Variants in ATRNL1 observed in about 807,000 individuals in gnomAD.
ATRNL1 encodes attractin-like protein 1.
ATRNL1 carries 95 observed loss-of-function variants against 182.7 expected under a neutral mutation model. The observed-to-expected ratio is 0.52, with a 90% confidence interval of 0.44 to 0.62. The LOEUF (loss-of-function observed/expected upper bound fraction) is 0.62. Ranked by LOEUF, ATRNL1 falls within the 20% of genes least tolerant of loss-of-function variation. The probability of loss-of-function intolerance (pLI) is 0.00; values close to 1 mark genes in which losing one functional copy is unlikely to be tolerated. For missense variants in ATRNL1, 1,471 were observed against 1,679.5 expected (o/e 0.88, Z 2.17); for synonymous variants, 576 against 568.3 (o/e 1.01, Z -0.19).
intron 9 of ATRNL1, among the ~76,000 whole-genome samples, chr10:115,234,592 CTTTT>C (rs554861467): frequency 1.5e-5 from 2 of 133,814 alleles, no homozygotes; most frequent in Non-Finnish European, 1.6e-5. Flanking sequence ...TTTTCTTTTT[CTTTT>C]TTTTTTTTTT....
intron 24 of ATRNL1, among the ~76,000 whole-genome samples, chr10:115,513,444 C>T (rs1250987246): frequency 6.6e-6 from 1 of 151,912 alleles, no homozygotes; most frequent in Non-Finnish European, 1.5e-5. Flanking sequence ...TTATTATCGC[C>T]ATTTATTATC....
intron 28 of ATRNL1, among the ~76,000 whole-genome samples, chr10:115,903,460 T>C (rs1555113936): frequency 6.6e-6 from 1 of 152,230 alleles, no homozygotes; most frequent in South Asian, 2.1e-4. Flanking sequence ...CTATTCATAC[T>C]GACCTGGAAA....
chr10:115,210,132 A>G (rs1848964278), intron 8 of ATRNL1, among the ~76,000 whole-genome samples: 1 of 152,016 alleles, frequency 6.6e-6, no homozygotes, highest in East Asian at 1.9e-4. Context: ...CTAGTAGTGA[A>G]CATTATATTT....
At chr10:115,479,613 GTGT>G in intron 24 of ATRNL1, among the ~76,000 whole-genome samples, 1 of 151,466 alleles carries the variant, frequency 6.6e-6, no homozygotes, top group East Asian at 1.9e-4. Flanking sequence ...ACATATAGCA[GTGT>G]TATGTGATAA....
intron 26 of ATRNL1, among the ~76,000 whole-genome samples, chr10:115,551,216 T>C: frequency 6.6e-6 from 1 of 151,668 alleles, no homozygotes; most frequent in East Asian, 1.9e-4. Flanking sequence ...CTATAAAACT[T>C]TCATACTTCT....
At chr10:115,688,293 T>C (rs1166537241) in intron 26 of ATRNL1, among the ~76,000 whole-genome samples, 1 of 152,158 alleles carries the variant, frequency 6.6e-6, no homozygotes, top group Admixed American at 6.6e-5. Flanking sequence ...AGTCCAGGTA[T>C]CCCCTTGATA....
intron 19 of ATRNL1, among the ~76,000 whole-genome samples, chr10:115,387,645 G>T (rs1271315259): frequency 2.6e-5 from 4 of 152,060 alleles, no homozygotes; most frequent in African/African-American, 9.7e-5. Context: ...AGACTTTATG[G>T]ATTTACCTGT....
intron 18 of ATRNL1, among the ~76,000 whole-genome samples, chr10:115,328,088 A>G (rs1200714758): frequency 6.6e-6 from 1 of 150,652 alleles, no homozygotes; most frequent in Non-Finnish European, 1.5e-5. Context: ...AAGTATAATA[A>G]TAATAAAAAA....
At chr10:115,411,341 T>G (rs550035539) in intron 20 of ATRNL1, among the ~76,000 whole-genome samples, 1 of 151,782 alleles carries the variant, frequency 6.6e-6, no homozygotes, top group South Asian at 2.1e-4. Context: ...AATGTAGAAT[T>G]ATTTTATATT....
chr10:115,536,705 G>A (rs920373705), intron 25 of ATRNL1, among the ~76,000 whole-genome samples: 75 of 152,286 alleles, frequency 4.9e-4, no homozygotes, highest in African/African-American at 1.7e-3. Flanking sequence ...CTTCTGCGTC[G>A]CTCATGCTGG....
chr10:115,326,970 T>C (rs1279598442), intron 18 of ATRNL1, among the ~76,000 whole-genome samples: 2 of 151,964 alleles, frequency 1.3e-5, no homozygotes, highest in South Asian at 2.1e-4. Context: ...AGGCCTAAAA[T>C]CATAAAAACC....
At chr10:115,098,709 G>A (rs1404090578) in intron 1 of ATRNL1, among the ~76,000 whole-genome samples, 2 of 151,628 alleles carry the variant, frequency 1.3e-5, no homozygotes, top group Admixed American at 1.3e-4. Flanking sequence ...CACCCGCCTC[G>A]GCCTCCTAAA....
chr10:115,129,456 A>T lies in ATRNL1; in HGVS notation c.750A>T (p.Lys250Asn). Residue 250 changes from lysine to asparagine, a missense_variant, in exon 5 of 29, where the codon AAA becomes AAT. By Grantham distance (94) the Lys-to-Asn change is moderately conservative. Around this residue, in one of 3 missense-constraint regions of ATRNL1, gnomAD observed 1,031 missense variants for 1,156.0 expected, o/e 0.89. Transcript: ENST00000355044. ...AAGCTTGTGATATTCCTTACTGTAA[A>T]GCCAATTGCGGCAGTCCAGATCACG... ...KGEACDIPYC[K>N]ANCGSPDHGY... is the part of the protein sequence containing the mutation. 3 of 1,614,160 alleles carry T rather than the reference A, an allele frequency of 1.9e-6. No homozygotes were observed. The highest frequency in any genetic ancestry group is 2.5e-6 in the Non-Finnish European group (3 of 1,180,012).
At chr10:115,483,281 G>C (rs1390506768) in intron 24 of ATRNL1, among the ~76,000 whole-genome samples, 1 of 151,244 alleles carries the variant, frequency 6.6e-6, no homozygotes, top group Non-Finnish European at 1.5e-5. Flanking sequence ...CTTGTATTGC[G>C]TAAAGAACTG....
intron 28 of ATRNL1, among the ~76,000 whole-genome samples, chr10:115,902,123 A>G (rs961785658): frequency 5.3e-5 from 8 of 152,180 alleles, no homozygotes; most frequent in African/African-American, 1.7e-4. Context: ...CCTTCGCATC[A>G]ATGACTTTAC....
chr10:115,599,495 G>A (rs1453778589), intron 26 of ATRNL1, among the ~76,000 whole-genome samples: 2 of 150,558 alleles, frequency 1.3e-5, no homozygotes, highest in Non-Finnish European at 3.0e-5. Context: ...TTTTACTGAT[G>A]CATCAAGGAT....
intron 19 of ATRNL1, among the ~76,000 whole-genome samples, chr10:115,376,718 T>C (rs1295158098): frequency 6.6e-6 from 1 of 152,194 alleles, no homozygotes; most frequent in Non-Finnish European, 1.5e-5. Context: ...TTCATCTTAC[T>C]TGAGATTTTT....
intron 28 of ATRNL1, among the ~76,000 whole-genome samples, chr10:115,906,388 G>A (rs1317703993): frequency 1.3e-5 from 2 of 152,096 alleles, no homozygotes; most frequent in Non-Finnish European, 2.9e-5. Context: ...AAATGGGAAT[G>A]ATTATATATA....
At chr10:115,574,829 C>T (rs763898719) in intron 26 of ATRNL1, among the ~76,000 whole-genome samples, 3 of 152,180 alleles carry the variant, frequency 2.0e-5, no homozygotes, top group Non-Finnish European at 4.4e-5. Context: ...TAATTTTAAA[C>T]ATAGCCTATT....
Sources: gnomAD v4.1 joint callset for allele counts (sites outside exome capture counted in the v4.1 genomes callset) on GRCh38, gnomAD v4.1.1 for gene constraint, gnomAD v4.1.1 regional missense constraint, MANE v1.5 for transcripts, NCBI Gene and HGNC (gene_info 2026-07-23, HGNC 2026-07-21) for gene names.